Variants in SH3PXD2B observed in about 807,000 individuals in gnomAD.
SH3PXD2B encodes the protein SH3 and PX domains 2B.
SH3PXD2B carries 37 observed loss-of-function variants against 73.1 expected under a neutral mutation model. The observed-to-expected ratio is 0.51, with a 90% CI of 0.39 to 0.67. SH3PXD2B has a LOEUF of 0.67. Among genes scored for constraint, SH3PXD2B ranks in the 30% least tolerant of loss-of-function variants. The pLI, the probability that SH3PXD2B is intolerant of heterozygous loss-of-function variation, is 0.00. For synonymous variants in SH3PXD2B, 457 were observed against 480.5 expected (o/e 0.95, Z 0.64); for missense variants, 1,053 against 1,197.8 (o/e 0.88, Z 1.78).
At chr5:172,389,893 T>C (rs1261132998) in intron 4 of SH3PXD2B, among the ~76,000 whole-genome samples, 1 of 152,010 alleles carries the variant, frequency 6.6e-6, no homozygotes, top group African/African-American at 2.4e-5. Context: ...TTCAACACTT[T>C]TTTTGTAGAG....
chr5:172,357,920 A>G (rs1336902957), intron 8 of SH3PXD2B, among the ~76,000 whole-genome samples: 1 of 152,168 alleles, frequency 6.6e-6, no homozygotes, highest in Non-Finnish European at 1.5e-5. Flanking sequence ...CTAAAAGCCA[A>G]ACAAACTCAA....
chr5:172,373,392 A>G (rs1464118415), intron 6 of SH3PXD2B, among the ~76,000 whole-genome samples: 1 of 152,222 alleles, frequency 6.6e-6, no homozygotes, highest in Non-Finnish European at 1.5e-5. Flanking sequence ...TGCTCTGTAT[A>G]AAGTGGAACA....
rs1384140301 is a variant in SH3PXD2B, at chr5:172,337,405, A to G, written c.*964T>C. ...TCCTGGCTGGTGTGTCCTTGGGCAC[A>G]TGGAGCGTGAATTTCCTCATCTATA... On this transcript the variant is annotated 3_prime_UTR_variant, in exon 13 of 13. Coordinates refer to ENST00000311601, the MANE Select transcript of SH3PXD2B (RefSeq NM_001017995.3). 6.1e-6 allele frequency: 6 copies of G among 981,094 alleles called. No individual in the cohort carries two copies. Among genetic ancestry groups the G allele is most frequent in the Non-Finnish European group, 7.3e-6 (6 of 826,070 alleles). 60.8% of individuals were successfully genotyped at this position (981,094 alleles called of 1,614,324 possible).
chr5:172,414,770 C>T (rs1758782268), intron 2 of SH3PXD2B, among the ~76,000 whole-genome samples: 2 of 152,188 alleles, frequency 1.3e-5, no homozygotes, highest in African/African-American at 4.8e-5. Flanking sequence ...GGCATTTCTC[C>T]CGAGGGCTCC....
At position 172,373,952 on chromosome 5, in the gene SH3PXD2B, T is replaced by A. The variant is rs560013622; in HGVS notation, c.402-137A>T. ...GTGAATGAATAAAATCCAGGCCAAC[T>A]AGAGGAACCCTGACTTCTTCAAAGA... is the stretch of plus-strand genomic sequence containing the variant. On this transcript the variant is annotated intron_variant, in intron 5 of 12. Transcript: ENST00000311601. 3.7e-4 allele frequency: 338 copies of A among 924,796 alleles called. 2 individuals are homozygous for A. The South Asian group carries it at 5.2e-3, about 14-fold the overall frequency. 57.3% of individuals were successfully genotyped at this position (924,796 alleles called of 1,614,324 possible). A position where few individuals can be genotyped will look rare whatever the true frequency, so the allele number is the denominator to read the frequency against.
chr5:172,333,192 C>T (rs887474510), downstream of SH3PXD2B, among the ~76,000 whole-genome samples: 1 of 152,100 alleles, frequency 6.6e-6, no homozygotes, highest in Admixed American at 6.5e-5. Context: ...GCCTCGGCCT[C>T]CCAAAGTGCT....
At chr5:172,437,824 T>C (rs142457937) in intron 1 of SH3PXD2B, among the ~76,000 whole-genome samples, 296 of 152,276 alleles carry the variant, frequency 1.9e-3, no homozygotes, top group African/African-American at 6.6e-3. Flanking sequence ...AGGTGGCTGG[T>C]TGAGCTGAGG....
chr5:172,365,333 G>A (rs376793305), intron 6 of SH3PXD2B, among the ~76,000 whole-genome samples: 3 of 152,218 alleles, frequency 2.0e-5, no homozygotes, highest in African/African-American at 7.2e-5. Context: ...GGAACACAGA[G>A]GCTCAGAGAT....
At chr5:172,396,118 C>T (rs919701515) in intron 3 of SH3PXD2B, among the ~76,000 whole-genome samples, 2 of 146,130 alleles carry the variant, frequency 1.4e-5, no homozygotes, top group Non-Finnish European at 1.5e-5. Context: ...TTTGGGAGGC[C>T]GAGGTGGGTG....
At position 172,337,315 on chromosome 5, in the gene SH3PXD2B, TAC is replaced by T. The variant is rs1023349248; in HGVS notation, c.*1052_*1053del. ...TCTCTTCCCTGCCTGGTTTGTCTTT[TAC>T]AGAGGGGAGGGCACAGGCACTGAAG... On this transcript the variant is annotated 3_prime_UTR_variant, in exon 13 of 13. Transcript: ENST00000311601. The T allele has an allele frequency of 3.0e-6, 3 of 985,470 alleles. No individual in the cohort carries two copies. In the African/African-American group the frequency reaches 5.2e-5, roughly 17 times the overall value. The allele number at this position is 985,470 out of a possible 1,614,324, so 61.0% of individuals were successfully genotyped here.
rs756550290 is a variant in SH3PXD2B at position 172,344,588 on chromosome 5, CAAAAAAAAAAAAA to C, written c.1188+1535_1188+1547del. On this transcript the variant is annotated intron_variant, in intron 12 of 12. Coordinates refer to ENST00000311601, the MANE Select transcript of SH3PXD2B (RefSeq NM_001017995.3). ...GGGCAACAGAGGAGCGAGGCTCTGT[CAAAAAAAAAAAAA>C]AAAAAAAAAAAAAAAGGAGGCACTC... Among the ~76,000 whole-genome samples the C allele has an allele frequency of 2.0e-4, 5 of 25,232 alleles. No individual in the cohort carries two copies. In the East Asian group the frequency reaches 4.3e-3, roughly 22 times the overall value. The allele number at this position is 25,232 out of a possible 152,430, so 16.6% of individuals were successfully genotyped here. A position where few individuals can be genotyped will look rare whatever the true frequency, so the allele number is the denominator to read the frequency against.
At chr5:172,389,975 C>T (rs1486675864) in intron 4 of SH3PXD2B, among the ~76,000 whole-genome samples, 1 of 152,172 alleles carries the variant, frequency 6.6e-6, no homozygotes, top group Non-Finnish European at 1.5e-5. Flanking sequence ...ACCTTAGCCT[C>T]CCAAACTGCT....
chr5:172,450,793 G>C (rs565750733), intron 1 of SH3PXD2B, among the ~76,000 whole-genome samples: 1 of 152,014 alleles, frequency 6.6e-6, no homozygotes, highest in African/African-American at 2.4e-5. Flanking sequence ...GCTGGGGAGG[G>C]TCTCCCAGGA....
chr5:172,354,189 G>A (rs1757222451), intron 8 of SH3PXD2B, among the ~76,000 whole-genome samples, 184 bp from the exon 9 acceptor site: 1 of 152,080 alleles, frequency 6.6e-6, no homozygotes, highest in Admixed American at 6.6e-5. Context: ...AGGACAAAGG[G>A]TAGATCTCGA....
intron 1 of SH3PXD2B, among the ~76,000 whole-genome samples, chr5:172,449,717 C>T (rs764238175): frequency 4.6e-5 from 7 of 152,134 alleles, no homozygotes; most frequent in South Asian, 2.1e-4. Flanking sequence ...TCTGATGATA[C>T]GGAGTGTTAG....
At chr5:172,346,900 A>G (rs2113277230) in intron 11 of SH3PXD2B, among the ~76,000 whole-genome samples, 1 of 152,338 alleles carries the variant, frequency 6.6e-6, no homozygotes, top group African/African-American at 2.4e-5. Flanking sequence ...AGGTACCTAG[A>G]GAATTTTACA....
At chr5:172,440,446 G>A (rs1247855556) in intron 1 of SH3PXD2B, among the ~76,000 whole-genome samples, 7 of 152,268 alleles carry the variant, frequency 4.6e-5, no homozygotes, top group Admixed American at 3.3e-4. Context: ...TCTAGGTGTC[G>A]GGACTTGCAT....
At position 172,443,168 on chromosome 5, in the gene SH3PXD2B, A is replaced by G. The variant is rs141485611; in HGVS notation, c.75+11110T>C. ...AGAACCTCGTGGTGGGTCTAATGAC[A>G]CCGTAACTTGGAAATAGTAAGGAGT... On this transcript the variant is annotated intron_variant, in intron 1 of 12. Transcript: ENST00000311601. Among the ~76,000 whole-genome samples, 484 of 152,348 alleles carry G rather than the reference A, an allele frequency of 3.2e-3. 2 individuals are homozygous for G. The highest frequency in any genetic ancestry group is 0.01 in the African/African-American group (431 of 41,582).
chr5:172,393,589 C>T (rs1758234822), intron 4 of SH3PXD2B, among the ~76,000 whole-genome samples: 1 of 152,126 alleles, frequency 6.6e-6, no homozygotes, highest in African/African-American at 2.4e-5. Flanking sequence ...AAATGTAGAA[C>T]AGACATGTAA....
Sources: allele counts gnomAD v4.1 joint callset (sites outside exome capture counted in the v4.1 genomes callset), GRCh38; gene constraint gnomAD v4.1.1; transcripts MANE v1.5; gene names NCBI Gene and HGNC (gene_info 2026-07-23, HGNC 2026-07-21).